DOCK1: variants seen among roughly 807,000 people sequenced by gnomAD.
DOCK1 encodes the protein dedicator of cytokinesis 1.
DOCK1 carries 138 observed loss-of-function variants against 262.7 expected under a neutral mutation model. That is an observed-to-expected ratio of 0.53 (90% CI 0.46 to 0.61). DOCK1 has a LOEUF of 0.61. Among genes scored for constraint, DOCK1 ranks in the 20% least tolerant of loss-of-function variants. The probability of loss-of-function intolerance (pLI) is 0.00; values close to 1 mark genes in which losing one functional copy is unlikely to be tolerated. For missense variants in DOCK1, 1,908 were observed against 2,370.7 expected, an observed-to-expected ratio of 0.80 and a Z score of 4.05; for synonymous variants, 866 against 867.4, an observed-to-expected ratio of 1.00 and a Z score of 0.03.
At chr10:127,144,239 A>G (rs1427652748) in intron 27 of DOCK1, among the ~76,000 whole-genome samples, 1 of 152,106 alleles carries the variant, frequency 6.6e-6, no homozygotes, top group East Asian at 1.9e-4. Context: ...CTTATCCTTC[A>G]AAACCTAGGT....
intron 23 of DOCK1, among the ~76,000 whole-genome samples, chr10:127,075,790 C>A (rs760881928): frequency 6.6e-6 from 1 of 152,126 alleles, no homozygotes. Flanking sequence ...TCACCCGACA[C>A]GTGGGGATTA....
In DOCK1 at chr10:126,941,473, TG is replaced by T. The variant is rs1294918018; in HGVS notation, c.47-29226del. Among the ~76,000 whole-genome samples the T allele has an allele frequency of 7.1e-3, 1,079 of 152,288 alleles. 2 individuals are homozygous for T. Among genetic ancestry groups the T allele is most frequent in the Non-Finnish European group, 0.012 (788 of 68,026 alleles). On this transcript the variant is annotated intron_variant, in intron 1 of 51. Coordinates refer to ENST00000623213, the MANE Select transcript of DOCK1 (RefSeq NM_001290223.2). The stretch of plus-strand genomic sequence containing the variant: ...CAAAACCGCAGTTAAACAGCATCTG[TG>T]GGCCGGGCACAGTGGCTCATGCCTG...
intron 29 of DOCK1, among the ~76,000 whole-genome samples, chr10:127,263,418 A>G (rs956160963): frequency 1.8e-4 from 7 of 38,800 alleles, no homozygotes; most frequent in East Asian, 1.3e-3. Context: ...TTTAATGACT[A>G]TCCCAAAGTA....
intron 27 of DOCK1, among the ~76,000 whole-genome samples, chr10:127,150,163 G>A (rs2052347000): frequency 6.6e-6 from 1 of 152,192 alleles, no homozygotes; most frequent in Middle Eastern, 3.2e-3. Flanking sequence ...GGCCACCCAT[G>A]TACACTGCTA....
In DOCK1 at chr10:127,026,360, T is replaced by C. The variant is rs1414107035; in HGVS notation, c.1560T>C (p.Ile520=). ...TTTTTCAATTCTTGAAGGTGGCCATTCCCATCGAGGACGTTAACCGCAGTC... is the reference window on the plus strand; with the variant it reads ...TTTTTCAATTCTTGAAGGTGGCCATCCCCATCGAGGACGTTAACCGCAGTC... ...PRWFETVKVA[I]PIEDVNRSHL... is the part of the protein sequence containing the mutation. Residue 520 remains isoleucine, a synonymous_variant, in exon 16 of 52, where the codon ATT becomes ATC. Coordinates refer to ENST00000623213, the MANE Select transcript of DOCK1 (RefSeq NM_001290223.2). 6.4e-7 allele frequency: 1 copy of C among 1,567,160 alleles called. No homozygotes were observed. Among genetic ancestry groups the C allele is most frequent in the Non-Finnish European group, 8.7e-7 (1 of 1,154,494 alleles).
chr10:127,223,229 G>GT (rs1400953092), intron 27 of DOCK1, among the ~76,000 whole-genome samples: 1 of 151,990 alleles, frequency 6.6e-6, no homozygotes, highest in Admixed American at 6.6e-5. Context: ...AACTTTCAAG[G>GT]TTTTTTTCTG....
rs570663181 is a variant in DOCK1 at position 127,446,815 on chromosome 10, T to C, written c.5414-579T>C. 6.6e-6 allele frequency among the ~76,000 whole-genome samples: 1 copy of C among 152,334 alleles called. No homozygotes were observed. The highest frequency in any genetic ancestry group is 2.4e-5 in the African/African-American group (1 of 41,576). ...TTTTCCAGTTTACTTTAAAAATCAA[T>C]TGTACTTCCCCTTGGCTTATTTAAA... On this transcript the variant is annotated intron_variant, in intron 50 of 51. Transcript: ENST00000623213. This position sits in a 1 kb window ranked among gnomAD's most constrained non-coding sequence, Gnocchi z 4.4.
intron 3 of DOCK1, among the ~76,000 whole-genome samples, chr10:126,979,515 C>T (rs1199099889): frequency 6.6e-6 from 1 of 152,114 alleles, no homozygotes; most frequent in Non-Finnish European, 1.5e-5. Flanking sequence ...GCTGGATGTG[C>T]CCCAGGCAAG....
chr10:126,976,460 T>C (rs1258222508), intron 2 of DOCK1, among the ~76,000 whole-genome samples: 1 of 152,194 alleles, frequency 6.6e-6, no homozygotes, highest in Non-Finnish European at 1.5e-5. Flanking sequence ...ATTCTGCTCA[T>C]CTTAACACCA....
chr10:127,287,279 T>A (rs1411983608), intron 29 of DOCK1, among the ~76,000 whole-genome samples: 1 of 151,846 alleles, frequency 6.6e-6, no homozygotes, highest in Non-Finnish European at 1.5e-5. Flanking sequence ...CATAGCTCAC[T>A]GCAGCCTCGA....
intron 10 of DOCK1, among the ~76,000 whole-genome samples, chr10:127,004,409 T>C (rs1009883593): frequency 6.6e-6 from 1 of 151,974 alleles, no homozygotes; most frequent in African/African-American, 2.4e-5. Context: ...AATGCAGTGG[T>C]TCTCAATCCT....
intron 32 of DOCK1, among the ~76,000 whole-genome samples, chr10:127,358,031 T>C (rs1404395441): frequency 6.6e-6 from 1 of 152,026 alleles, no homozygotes; most frequent in Non-Finnish European, 1.5e-5. Flanking sequence ...TTTTTGTAAA[T>C]GGGTGCAGGT....
chr10:126,952,466 G>C (rs1482812340), intron 1 of DOCK1, among the ~76,000 whole-genome samples: 4 of 150,182 alleles, frequency 2.7e-5, no homozygotes, highest in African/African-American at 4.9e-5. Context: ...GGTGGTGGTA[G>C]TATTGGTGGT....
chr10:127,442,322 G>A (rs554621452), intron 49 of DOCK1, among the ~76,000 whole-genome samples: 57 of 152,230 alleles, frequency 3.7e-4, no homozygotes, highest in African/African-American at 1.2e-3. Flanking sequence ...CCAGCACAGC[G>A]CATCCACCAG....
intron 13 of DOCK1, among the ~76,000 whole-genome samples, chr10:127,022,261 A>G (rs1045766283): frequency 1.3e-5 from 2 of 152,028 alleles, no homozygotes; most frequent in African/African-American, 4.8e-5. Context: ...AGCCATGCAG[A>G]AAGTTTCTCC....
At chr10:126,907,021 G>T (rs1332241450) in intron 1 of DOCK1, among the ~76,000 whole-genome samples, 2 of 152,204 alleles carry the variant, frequency 1.3e-5, no homozygotes, top group Non-Finnish European at 2.9e-5. Flanking sequence ...TCACAAAAGT[G>T]CAGGAGAGCT....
At chr10:127,241,819 C>T (rs947117286) in intron 27 of DOCK1, among the ~76,000 whole-genome samples, 1 of 152,074 alleles carries the variant, frequency 6.6e-6, no homozygotes, top group Non-Finnish European at 1.5e-5. Context: ...TTTTCAGGTA[C>T]CTCCCTTGTC....
intron 1 of DOCK1, among the ~76,000 whole-genome samples, chr10:126,922,806 C>T (rs1452372243): frequency 6.6e-6 from 1 of 152,088 alleles, no homozygotes; most frequent in Non-Finnish European, 1.5e-5. Context: ...GTTAGTTTTA[C>T]CTCCTTTAAA....
intron 27 of DOCK1, among the ~76,000 whole-genome samples, chr10:127,173,264 A>T (rs2054751142): frequency 6.6e-6 from 1 of 152,164 alleles, no homozygotes; most frequent in Non-Finnish European, 1.5e-5. Context: ...ACAGACAGTG[A>T]TCTCAACTTA....
Sources: gnomAD v4.1 joint callset for allele counts (sites outside exome capture counted in the v4.1 genomes callset) on GRCh38, gnomAD v4.1.1 for gene constraint, Gnocchi (gnomAD v3.1) non-coding constraint, MANE v1.5 for transcripts, NCBI Gene and HGNC (gene_info 2026-07-23, HGNC 2026-07-21) for gene names.